The following UTRN variants were observed in gnomAD, a reference collection of about 807,000 sequenced individuals.
The protein encoded by UTRN is dystrophin-related protein 1.
In UTRN, 283 loss-of-function variants were observed where a neutral mutation model predicts 463.9. The ratio of observed to expected loss-of-function variants is 0.61; its 90% CI spans 0.55 to 0.67. The LOEUF (loss-of-function observed/expected upper bound fraction) is 0.67. Ranked by LOEUF, UTRN falls within the 30% of genes least tolerant of loss-of-function variation. The pLI is 0.00. For synonymous variants in UTRN, 1,442 were observed against 1,431.5 expected (o/e 1.01, Z -0.17); for missense variants, 3,922 against 4,084.3 (o/e 0.96, Z 1.08).
chr6:144,420,292 T>C (rs12201614), intron 3 of UTRN, among the ~76,000 whole-genome samples: 39,567 of 152,154 alleles, frequency 0.26, 5,339 homozygotes, highest in Admixed American at 0.37. Flanking sequence ...AAATATTACA[T>C]TGTATTCTGT....
At chr6:144,702,184 A>G (rs943301115) in intron 53 of UTRN, among the ~76,000 whole-genome samples, 25 of 152,182 alleles carry the variant, frequency 1.6e-4, no homozygotes, top group African/African-American at 5.1e-4. Context: ...TTGAGGTATG[A>G]AATGATTTTC....
rs1158164345 is a variant in UTRN at position 144,768,958 on chromosome 6, GT to G, written c.8496-2936del. 2.5e-3 allele frequency among the ~76,000 whole-genome samples: 280 copies of G among 112,522 alleles called. 4 individuals are homozygous for G. Among genetic ancestry groups the G allele is most frequent in the African/African-American group, 6.6e-3 (203 of 30,542 alleles). 73.8% of individuals were successfully genotyped at this position (112,522 alleles called of 152,430 possible). On this transcript the variant is annotated intron_variant, in intron 58 of 74. Transcript: ENST00000367545. ...GCTACTTTGTTTTTTGTTTTGTTTT[GT>G]TTTTTTTTTTTTAATTTTATTCTTG...
At chr6:144,353,562 A>T (rs565461113) in intron 2 of UTRN, among the ~76,000 whole-genome samples, 1 of 151,982 alleles carries the variant, frequency 6.6e-6, no homozygotes, top group Admixed American at 6.6e-5. Context: ...CTGGCTATTT[A>T]TGTTTCCTAA....
At chr6:144,385,044 T>C (rs1451750724) in intron 2 of UTRN, among the ~76,000 whole-genome samples, 3 of 152,176 alleles carry the variant, frequency 2.0e-5, no homozygotes, top group Admixed American at 2.0e-4. Context: ...CCAAATCTTT[T>C]TGTTTGATTG....
At chr6:144,727,720 G>A (rs977687474) in intron 53 of UTRN, among the ~76,000 whole-genome samples, 3 of 152,114 alleles carry the variant, frequency 2.0e-5, no homozygotes, top group East Asian at 3.9e-4. Context: ...AGCTGAGATC[G>A]CACCACTGCA....
intron 46 of UTRN, among the ~76,000 whole-genome samples, chr6:144,546,363 A>T (rs1280415586): frequency 6.6e-6 from 1 of 152,174 alleles, no homozygotes; most frequent in South Asian, 2.1e-4. Context: ...ATTATTGAGG[A>T]CCCTCAAATA....
At chr6:144,497,597 C>T (rs1176479908) in intron 33 of UTRN, among the ~76,000 whole-genome samples, 1 of 151,270 alleles carries the variant, frequency 6.6e-6, no homozygotes, top group African/African-American at 2.4e-5. Flanking sequence ...AGGAGAATCA[C>T]TTGAACCTGG....
At chr6:144,479,731 G>T in intron 25 of UTRN, 81 bp from the exon 26 acceptor site, 5 of 1,484,516 alleles carry the variant, frequency 3.4e-6, no homozygotes, top group Non-Finnish European at 4.5e-6. Flanking sequence ...TTATTACTGT[G>T]CCTTTAAATA....
In UTRN at chr6:144,365,461, C is replaced by T. The variant is rs539440136; in HGVS notation, c.80-37662C>T. Among the ~76,000 whole-genome samples the T allele has an allele frequency of 3.3e-5, 5 of 152,282 alleles. No homozygotes were observed. The South Asian group carries it at 1.0e-3, about 32-fold the overall frequency. On this transcript the variant is annotated intron_variant, in intron 2 of 74. Transcript: ENST00000367545. ...GTGACAAAAGCATGTACATAAACCA[C>T]TTAGGATTCTCCACTTTTCACATTT...
chr6:144,690,752 A>G lies in UTRN; in HGVS notation c.7653-9335A>G, dbSNP rs138221925. ...TCTCATCTACTCCCCATTGCTCACT[A>G]CACCAGCTCCGGAGCTGGGTAGGGT... On this transcript the variant is annotated intron_variant, in intron 52 of 74. Transcript: ENST00000367545. Among the ~76,000 whole-genome samples the G allele has an allele frequency of 2.8e-3, 424 of 152,098 alleles. 1 individual carries two copies. The highest frequency in any genetic ancestry group is 9.5e-3 in the African/African-American group (396 of 41,508).
chr6:144,476,250 G>A (rs182736398), intron 25 of UTRN, among the ~76,000 whole-genome samples: 22 of 151,150 alleles, frequency 1.5e-4, no homozygotes, highest in African/African-American at 1.9e-4. Flanking sequence ...CATTGCACTC[G>A]GCCTCTCTCT....
chr6:144,571,401 T>C (rs958472986), intron 50 of UTRN, among the ~76,000 whole-genome samples: 1 of 152,146 alleles, frequency 6.6e-6, no homozygotes, highest in Non-Finnish European at 1.5e-5. Flanking sequence ...TAACAGAATA[T>C]AGTTCTTTTC....
At chr6:144,603,573 C>T (rs1037922689) in intron 51 of UTRN, among the ~76,000 whole-genome samples, 4 of 152,020 alleles carry the variant, frequency 2.6e-5, no homozygotes, top group African/African-American at 7.3e-5. Context: ...TGTTTCAACA[C>T]GTGGTTAACA....
chr6:144,715,075 C>T (rs1167077542), intron 53 of UTRN, among the ~76,000 whole-genome samples: 2 of 152,112 alleles, frequency 1.3e-5, no homozygotes, highest in Non-Finnish European at 2.9e-5. Flanking sequence ...ATGCCAAGCA[C>T]TCCCAAAGAT....
rs145424966 is a variant in UTRN, at chr6:144,696,150, C to A, written c.7653-3937C>A. ...ACCACATTTTACAGTGTCATTGACACTATGTTTAGCCTTAGATAGTTGCTT... is the reference window on the plus strand; with the variant it reads ...ACCACATTTTACAGTGTCATTGACAATATGTTTAGCCTTAGATAGTTGCTT... On this transcript the variant is annotated intron_variant, in intron 52 of 74. Transcript: ENST00000367545. 2.8e-4 allele frequency among the ~76,000 whole-genome samples: 42 copies of A among 152,178 alleles called. No homozygotes were observed. In the East Asian group the frequency reaches 7.5e-3, roughly 27 times the overall value.
At chr6:144,558,949 TA>T (rs1001919309) in intron 50 of UTRN, among the ~76,000 whole-genome samples, 2 of 151,898 alleles carry the variant, frequency 1.3e-5, no homozygotes, top group Non-Finnish European at 2.9e-5. Context: ...ATAGCTAACA[TA>T]AAAAAAAGAG....
chr6:144,530,956 T>C, intron 41 of UTRN, 96 bp from the exon 42 acceptor site: 1 of 1,362,668 alleles, frequency 7.3e-7, no homozygotes, highest in South Asian at 1.5e-5. Context: ...GAGGTCTTTC[T>C]GTTTAAATGA....
chr6:144,345,473 G>A (rs1039418611), intron 2 of UTRN, among the ~76,000 whole-genome samples: 1 of 151,982 alleles, frequency 6.6e-6, no homozygotes, highest in Admixed American at 6.6e-5. Flanking sequence ...CCTGGAGTTC[G>A]AGACCACTCT....
intron 2 of UTRN, among the ~76,000 whole-genome samples, chr6:144,360,105 CCCT>C (rs1280251109): frequency 0.055 from 6,303 of 115,520 alleles, 1,207 homozygotes; most frequent in African/African-American, 0.22. Context: ...CCCTCCCCTC[CCCT>C]CCCCCCTTCC....
Sources: gnomAD v4.1 joint callset for allele counts (sites outside exome capture counted in the v4.1 genomes callset) on GRCh38, gnomAD v4.1.1 for gene constraint, MANE v1.5 for transcripts, NCBI Gene and HGNC (gene_info 2026-07-23, HGNC 2026-07-21) for gene names.